DLG1: variants seen among roughly 807,000 people sequenced by gnomAD.
DLG1 encodes the protein discs large MAGUK scaffold protein 1.
DLG1 carries 42 observed loss-of-function variants against 123.4 expected under a neutral mutation model. The observed-to-expected ratio is 0.34, with a 90% CI of 0.27 to 0.44. DLG1 has a LOEUF of 0.44. Ranked by LOEUF, DLG1 falls within the 20% of genes least tolerant of loss-of-function variation. The pLI is 1.00. For synonymous variants in DLG1, 317 were observed against 356.2 expected, an observed-to-expected ratio of 0.89 and a Z score of 1.24; for missense variants, 942 against 1,082.6, an observed-to-expected ratio of 0.87 and a Z score of 1.82.
chr3:197,118,284 T>C (rs1018358255), intron 12 of DLG1, among the ~76,000 whole-genome samples: 4 of 152,228 alleles, frequency 2.6e-5, no homozygotes, highest in African/African-American at 9.6e-5. Context: ...AAATAGGCAC[T>C]ATTAGAAAGT....
At chr3:197,224,123 A>ATGT (rs1258299913) in intron 4 of DLG1, among the ~76,000 whole-genome samples, 1 of 152,148 alleles carries the variant, frequency 6.6e-6, no homozygotes, top group East Asian at 1.9e-4. Context: ...TTAATTACCA[A>ATGT]GTTATGTGAC....
intron 4 of DLG1, chr3:197,226,195 C>T (rs979622963): frequency 8.5e-5 from 13 of 152,168 alleles, no homozygotes; most frequent in Admixed American, 7.9e-4. Context: ...AATAAAACTG[C>T]TTCACTAAAA....
chr3:197,089,683 C>CT (rs2149159754), intron 15 of DLG1, among the ~76,000 whole-genome samples: 1 of 151,656 alleles, frequency 6.6e-6, no homozygotes, highest in African/African-American at 2.4e-5. Flanking sequence ...AAGGCAACAC[C>CT]TATTAATTAT....
intron 5 of DLG1, among the ~76,000 whole-genome samples, chr3:197,184,586 G>T (rs188044056): frequency 6.6e-6 from 1 of 152,060 alleles, no homozygotes; most frequent in African/African-American, 2.4e-5. Context: ...TTAACAACTG[G>T]GTCTCAAGGT....
At chr3:197,228,801 T>A (rs1741304168) in intron 4 of DLG1, among the ~76,000 whole-genome samples, 1 of 152,150 alleles carries the variant, frequency 6.6e-6, no homozygotes, top group Non-Finnish European at 1.5e-5. Context: ...AGAAACAATA[T>A]TTAAGTAATA....
At chr3:197,144,190 A>C (rs1259934255) in intron 6 of DLG1, among the ~76,000 whole-genome samples, 1 of 152,230 alleles carries the variant, frequency 6.6e-6, no homozygotes, top group Middle Eastern at 3.2e-3. Context: ...TGACTAAAAT[A>C]AATGTGGCAC....
intron 3 of DLG1, among the ~76,000 whole-genome samples, chr3:197,288,926 A>C (rs905002148): frequency 6.6e-6 from 1 of 152,070 alleles, no homozygotes; most frequent in Non-Finnish European, 1.5e-5. Context: ...AACTCTGTCT[A>C]CCCAATAAGT....
chr3:197,178,144 TA>T (rs1395405344), intron 5 of DLG1, among the ~76,000 whole-genome samples: 3 of 151,612 alleles, frequency 2.0e-5, no homozygotes, highest in Non-Finnish European at 4.4e-5. Context: ...GAAGACAGAG[TA>T]ATGTCTGGAG....
intron 23 of DLG1, among the ~76,000 whole-genome samples, chr3:197,056,938 G>T (rs1732088914): frequency 6.6e-6 from 1 of 152,164 alleles, no homozygotes; most frequent in South Asian, 2.1e-4. Context: ...AATTGTACTT[G>T]TGAGATTCTT....
chr3:197,261,363 GC>G (rs1560055990), intron 4 of DLG1, among the ~76,000 whole-genome samples: 1 of 152,210 alleles, frequency 6.6e-6, no homozygotes, highest in African/African-American at 2.4e-5. Flanking sequence ...AATGGCTTGA[GC>G]CCAGGAGTTT....
chr3:197,251,181 G>A (rs1357100025), intron 4 of DLG1, among the ~76,000 whole-genome samples: 1 of 151,594 alleles, frequency 6.6e-6, no homozygotes, highest in Non-Finnish European at 1.5e-5. Flanking sequence ...CTACAGCCTG[G>A]ACAACATGGT....
At chr3:197,124,563 C>T (rs549241104) in intron 11 of DLG1, among the ~76,000 whole-genome samples, 76 of 152,060 alleles carry the variant, frequency 5.0e-4, no homozygotes, top group African/African-American at 1.7e-3. Context: ...CGTGAGCCAC[C>T]GTGCCTGGTC....
At chr3:197,141,769 C>T (rs916995840) in intron 7 of DLG1, among the ~76,000 whole-genome samples, 1 of 152,074 alleles carries the variant, frequency 6.6e-6, no homozygotes, top group Non-Finnish European at 1.5e-5. Context: ...GTCACCCAGG[C>T]TAGAGTGCGA....
At chr3:197,081,173 C>T in intron 16 of DLG1, 56 bp from the exon 17 acceptor site, 1 of 1,499,810 alleles carries the variant, frequency 6.7e-7, no homozygotes, top group Non-Finnish European at 9.2e-7. Context: ...TGGGGTCTTA[C>T]TAGAAATAAC....
chr3:197,180,840 T>C (rs1809879412), intron 5 of DLG1, among the ~76,000 whole-genome samples: 1 of 152,052 alleles, frequency 6.6e-6, no homozygotes, highest in East Asian at 1.9e-4. Context: ...ACTGAAGAGG[T>C]ATTAGATTAG....
chr3:197,293,404 A>G (rs1775870047), intron 3 of DLG1, among the ~76,000 whole-genome samples: 2 of 152,252 alleles, frequency 1.3e-5, no homozygotes, highest in African/African-American at 4.8e-5. Flanking sequence ...AATGATTTCT[A>G]TATTACATTG....
chr3:197,245,900 T>TG (rs34147802), intron 4 of DLG1, among the ~76,000 whole-genome samples: 13,814 of 84,294 alleles, frequency 0.16, 2,331 homozygotes, highest in South Asian at 0.23. Context: ...TTTTTTTTTT[T>TG]GGGGGGGGGG....
At chr3:197,247,696 T>C (rs1752435131) in intron 4 of DLG1, among the ~76,000 whole-genome samples, 1 of 152,208 alleles carries the variant, frequency 6.6e-6, no homozygotes, top group South Asian at 2.1e-4. Flanking sequence ...TTATGTTTAG[T>C]CCTCTCATTA....
chr3:197,057,079 CTTTG>C (rs1578234378), intron 23 of DLG1, among the ~76,000 whole-genome samples: 5 of 136,224 alleles, frequency 3.7e-5, no homozygotes, highest in Admixed American at 3.5e-4. Flanking sequence ...GTTACTGACT[CTTTG>C]TTTTTTTTTA....
Sources: allele counts gnomAD v4.1 joint callset (sites outside exome capture counted in the v4.1 genomes callset), GRCh38; gene constraint gnomAD v4.1.1; transcripts MANE v1.5; gene names NCBI Gene and HGNC (gene_info 2026-07-23, HGNC 2026-07-21).